CACNB4: variants seen among roughly 807,000 people sequenced by gnomAD.
CACNB4 encodes calcium voltage-gated channel auxiliary subunit beta 4, also known as voltage-dependent L-type calcium channel subunit beta-4.
A neutral mutation model predicts 71.2 loss-of-function variants in CACNB4; 32 were observed. The ratio of observed to expected loss-of-function variants is 0.45; its 90% CI spans 0.34 to 0.60. The LOEUF (loss-of-function observed/expected upper bound fraction) is 0.60. CACNB4 is among the 20% of genes least tolerant of loss of function. The probability of loss-of-function intolerance (pLI) is 0.01; values close to 1 mark genes in which losing one functional copy is unlikely to be tolerated. For missense variants in CACNB4, 464 were observed against 647.9 expected (o/e 0.72, Z 3.08); for synonymous variants, 231 against 236.9 (o/e 0.97, Z 0.23).
rs2099858868 is a variant in CACNB4 at position 151,921,052 on chromosome 2, G to C, written c.148-37682C>G. Among the ~76,000 whole-genome samples, 3 of 152,082 alleles carry C rather than the reference G, an allele frequency of 2.0e-5. No individual in the cohort carries two copies. The South Asian group carries it at 6.2e-4, about 32-fold the overall frequency. Reference sequence around the variant, plus strand: ...GCTACTTGGGAGACGCAGGAGAATGGCGTGAACCCGGGAGGTGGAGCCTGC... The same window carrying C: ...GCTACTTGGGAGACGCAGGAGAATGCCGTGAACCCGGGAGGTGGAGCCTGC... On this transcript the variant is annotated intron_variant, in intron 2 of 13. Coordinates refer to ENST00000539935, the MANE Select transcript of CACNB4 (RefSeq NM_000726.5).
intron 2 of CACNB4, among the ~76,000 whole-genome samples, chr2:151,980,590 G>A (rs576069858): frequency 1.3e-5 from 2 of 152,178 alleles, no homozygotes; most frequent in African/African-American, 2.4e-5. Flanking sequence ...CCACAAATAC[G>A]TGAATAGTTA....
chr2:151,839,921 T>A (rs192968458), intron 13 of CACNB4, among the ~76,000 whole-genome samples: 319 of 152,350 alleles, frequency 2.1e-3, no homozygotes, highest in Non-Finnish European at 3.7e-3. Context: ...AATGTAATAA[T>A]CTTTCCAAGG....
At chr2:151,863,863 T>C (rs2099842399) in intron 9 of CACNB4, among the ~76,000 whole-genome samples, 1 of 152,158 alleles carries the variant, frequency 6.6e-6, no homozygotes, top group Non-Finnish European at 1.5e-5. Context: ...AAAATACACA[T>C]GCATAAAACA....
At chr2:152,073,704 G>A (rs1298830117) in intron 2 of CACNB4, among the ~76,000 whole-genome samples, 1 of 152,208 alleles carries the variant, frequency 6.6e-6, no homozygotes, top group African/African-American at 2.4e-5. Context: ...GGGCAGATTT[G>A]TCAATCTGCT....
chr2:152,084,777 TG>T (rs1011777237), intron 2 of CACNB4, among the ~76,000 whole-genome samples: 1 of 151,588 alleles, frequency 6.6e-6, no homozygotes, highest in African/African-American at 2.4e-5. Flanking sequence ...GCCTGGCTAA[TG>T]TTTTTTTTTT....
At chr2:152,027,047 C>T (rs1226778128) in intron 2 of CACNB4, among the ~76,000 whole-genome samples, 1 of 152,174 alleles carries the variant, frequency 6.6e-6, no homozygotes, top group African/African-American at 2.4e-5. Flanking sequence ...GCTGGGATTA[C>T]AGGCACATGC....
intron 12 of CACNB4, among the ~76,000 whole-genome samples, chr2:151,844,269 A>C (rs932938888): frequency 6.6e-6 from 1 of 152,204 alleles, no homozygotes; most frequent in East Asian, 1.9e-4. Context: ...AGAAAAATAA[A>C]GAGACTGAGC....
In CACNB4 at chr2:152,098,126, G is replaced by C. The variant is rs1189581084; in HGVS notation, c.147+204C>G. Among the ~76,000 whole-genome samples the C allele has an allele frequency of 1.3e-5, 2 of 152,238 alleles. No individual in the cohort carries two copies. Among genetic ancestry groups the C allele is most frequent in the Non-Finnish European group, 2.9e-5 (2 of 68,042 alleles). ...CATGCACAAACTAACTTCCCGGGGCGGTGCGGAGACGCCGGGACGCGAAGA... is the reference window on the plus strand; with the variant it reads ...CATGCACAAACTAACTTCCCGGGGCCGTGCGGAGACGCCGGGACGCGAAGA... On this transcript the variant is annotated intron_variant, in intron 2 of 13. Transcript: ENST00000539935. This position sits in a 1 kb window ranked among gnomAD's most constrained non-coding sequence, Gnocchi z 5.3.
intron 2 of CACNB4, among the ~76,000 whole-genome samples, chr2:151,998,295 A>G (rs1024990827): frequency 6.9e-6 from 1 of 144,422 alleles, no homozygotes; most frequent in Non-Finnish European, 1.5e-5. Flanking sequence ...ACTGCAATCC[A>G]GCCTGGGCAA....
chr2:151,861,808 A>C (rs1347192802), intron 9 of CACNB4: 2 of 138,568 alleles, frequency 1.4e-5, no homozygotes, highest in African/African-American at 6.0e-5. Flanking sequence ...ACGCCACTGC[A>C]CTCCAGCCTG....
chr2:152,077,683 A>G (rs1687112895), intron 2 of CACNB4, among the ~76,000 whole-genome samples: 1 of 152,160 alleles, frequency 6.6e-6, no homozygotes, highest in South Asian at 2.1e-4. Context: ...GTGAGCCAAG[A>G]TTGTGCCATT....
At chr2:151,964,191 G>A (rs2099870448) in intron 2 of CACNB4, among the ~76,000 whole-genome samples, 2 of 151,442 alleles carry the variant, frequency 1.3e-5, no homozygotes, top group Admixed American at 1.3e-4. Context: ...ACGCTGCACA[G>A]CAATTATGTC....
At chr2:151,921,165 A>G (rs1177730409) in intron 2 of CACNB4, among the ~76,000 whole-genome samples, 30 of 61,108 alleles carry the variant, frequency 4.9e-4, no homozygotes, top group African/African-American at 1.0e-3. Flanking sequence ...AAATAAATAA[A>G]TAAATAAATA....
chr2:151,973,481 A>C, intron 2 of CACNB4: 3 of 594,542 alleles, frequency 5.0e-6, no homozygotes, highest in Admixed American at 3.0e-5. Context: ...CTTGACAATA[A>C]ATAATTTTAG....
chr2:151,887,148 A>C (rs906465799), intron 2 of CACNB4, among the ~76,000 whole-genome samples: 1 of 152,220 alleles, frequency 6.6e-6, no homozygotes, highest in African/African-American at 2.4e-5. Flanking sequence ...CGTAAAGGTT[A>C]CTAGGCCTGG....
chr2:151,962,984 T>C (rs1448177558), intron 2 of CACNB4: 1 of 152,134 alleles, frequency 6.6e-6, no homozygotes, highest in Non-Finnish European at 1.5e-5. Flanking sequence ...AGTACTAACC[T>C]TGGAATTTGG....
At position 152,074,315 on chromosome 2, in the gene CACNB4, G is replaced by A. The variant is rs199993074; in HGVS notation, c.147+24015C>T. The stretch of plus-strand genomic sequence containing the variant: ...CCACCATCACCGCTTTACCACCATC[G>A]CCGCCACCAGCACCCTCACCACTAC... On this transcript the variant is annotated intron_variant, in intron 2 of 13. Transcript: ENST00000539935. Among the ~76,000 whole-genome samples the A allele has an allele frequency of 3.5e-4, 53 of 149,596 alleles. No individual in the cohort carries two copies. The East Asian group carries it at 7.6e-3, about 22-fold the overall frequency.
chr2:152,086,213 T>G (rs1216453195), intron 2 of CACNB4, among the ~76,000 whole-genome samples: 3 of 152,204 alleles, frequency 2.0e-5, no homozygotes, highest in Non-Finnish European at 4.4e-5. Flanking sequence ...TCATTTTGCA[T>G]GAGCAAGAGA....
intron 2 of CACNB4, among the ~76,000 whole-genome samples, chr2:152,052,752 G>C (rs550501130): frequency 6.6e-6 from 1 of 152,246 alleles, no homozygotes; most frequent in Admixed American, 6.5e-5. Flanking sequence ...GGCTGAGGCA[G>C]GTGGATCCCA....
Sources: allele counts gnomAD v4.1 joint callset (sites outside exome capture counted in the v4.1 genomes callset), GRCh38; gene constraint gnomAD v4.1.1; non-coding constraint Gnocchi (gnomAD v3.1); transcripts MANE v1.5; gene names NCBI Gene and HGNC (gene_info 2026-07-23, HGNC 2026-07-21).